Variants in TAFA2 observed in about 807,000 individuals in gnomAD.
TAFA2 encodes the protein TAFA chemokine like family member 2.
A neutral mutation model predicts 18.8 loss-of-function variants in TAFA2; 7 were observed. The observed-to-expected ratio is 0.37, with a 90% CI of 0.21 to 0.70. TAFA2 has a LOEUF of 0.70. Ranked by LOEUF, TAFA2 falls within the 30% of genes least tolerant of loss-of-function variation. The pLI is 0.53. For synonymous variants in TAFA2, 60 were observed against 54.2 expected (o/e 1.11, Z -0.47); for missense variants, 122 against 158.1 (o/e 0.77, Z 1.23).
At chr12:61,927,069 GAAAAAAAAAA>G (rs56908081) in intron 1 of TAFA2, among the ~76,000 whole-genome samples, 2 of 69,926 alleles carry the variant, frequency 2.9e-5, no homozygotes, top group African/African-American at 5.8e-5. Context: ...GTGAGACTCT[GAAAAAAAAAA>G]AAAAAAAAAA....
rs149953863 is a variant in TAFA2 at position 61,923,620 on chromosome 12, A to G, written c.-1-56194T>C. 9.7e-3 allele frequency among the ~76,000 whole-genome samples: 1,473 copies of G among 152,290 alleles called. 38 individuals are homozygous for G. Among genetic ancestry groups the G allele is most frequent in the African/African-American group, 0.033 (1,385 of 41,562 alleles). ...AAAGACCAAAGGTAGATAAATCTAC[A>G]AAGATGAAGAAAAGTCAGCACAAAA... On this transcript the variant is annotated intron_variant, in intron 1 of 4. Coordinates refer to ENST00000416284, the MANE Select transcript of TAFA2 (RefSeq NM_178539.5).
intron 1 of TAFA2, among the ~76,000 whole-genome samples, chr12:61,961,939 G>T (rs1364888996): frequency 6.6e-6 from 1 of 151,890 alleles, no homozygotes; most frequent in Non-Finnish European, 1.5e-5. Context: ...ACTTCATTTT[G>T]ATTTCAGAAC....
chr12:61,978,936 G>A (rs1387815428), intron 1 of TAFA2, among the ~76,000 whole-genome samples: 1 of 151,996 alleles, frequency 6.6e-6, no homozygotes, highest in Non-Finnish European at 1.5e-5. Context: ...TGTCTTTAAT[G>A]AACACTTCTG....
At chr12:62,208,458 T>C (rs945310577) in intron 1 of TAFA2, among the ~76,000 whole-genome samples, 3 of 145,116 alleles carry the variant, frequency 2.1e-5, no homozygotes, top group Admixed American at 7.0e-5. Context: ...AGAAAACTAT[T>C]TACAGACACC....
chr12:61,949,210 G>T (rs970790734), intron 1 of TAFA2, among the ~76,000 whole-genome samples: 2 of 152,186 alleles, frequency 1.3e-5, no homozygotes, highest in African/African-American at 4.8e-5. Flanking sequence ...CCTCCCATGA[G>T]TAAGAGGGAA....
chr12:61,917,419 CT>C (rs975970819), intron 1 of TAFA2, among the ~76,000 whole-genome samples: 9 of 152,212 alleles, frequency 5.9e-5, no homozygotes, highest in Admixed American at 4.6e-4. Flanking sequence ...AACTATGCAT[CT>C]AGGCTCTGCT....
intron 1 of TAFA2, among the ~76,000 whole-genome samples, chr12:61,965,144 A>T (rs1229006091): frequency 6.6e-6 from 1 of 151,878 alleles, no homozygotes; most frequent in Admixed American, 6.6e-5. Context: ...CAAGGTAATG[A>T]TATTAGAAGG....
chr12:61,723,403 G>T (rs950644085), intron 4 of TAFA2, among the ~76,000 whole-genome samples: 11 of 152,046 alleles, frequency 7.2e-5, no homozygotes, highest in Non-Finnish European at 1.6e-4. Context: ...ACACGTGAAT[G>T]AATTAATATA....
In TAFA2 at chr12:62,250,408, C is replaced by A. The variant is rs1359457829; in HGVS notation, c.-130+8355G>T. Reference sequence around the variant, plus strand: ...TATTTTTATGTTCATGAGAATGGGTCAAGGTATTTATAGTTATGCATGTAT... The same window carrying A: ...TATTTTTATGTTCATGAGAATGGGTAAAGGTATTTATAGTTATGCATGTAT... On this transcript the variant is annotated intron_variant, in intron 1 of 5. Transcript: ENST00000551619. Among the ~76,000 whole-genome samples, 5 of 152,078 alleles carry A rather than the reference C, an allele frequency of 3.3e-5. No individual in the cohort carries two copies. The East Asian group carries it at 9.7e-4, about 29-fold the overall frequency.
chr12:62,129,842 G>C (rs867848432), intron 1 of TAFA2, among the ~76,000 whole-genome samples: 1 of 151,834 alleles, frequency 6.6e-6, no homozygotes, highest in Non-Finnish European at 1.5e-5. Flanking sequence ...TCCGCTATAC[G>C]GCAAAATACT....
At chr12:62,054,827 CAG>C (rs1295020648) in intron 1 of TAFA2, among the ~76,000 whole-genome samples, 2 of 152,182 alleles carry the variant, frequency 1.3e-5, no homozygotes, top group African/African-American at 2.4e-5. Flanking sequence ...AATTATAAAA[CAG>C]TGTCACAATT....
At chr12:62,153,257 T>C (rs940244441) in intron 1 of TAFA2, among the ~76,000 whole-genome samples, 3 of 152,196 alleles carry the variant, frequency 2.0e-5, no homozygotes, top group African/African-American at 2.4e-5. Context: ...TATTATATTA[T>C]GTGATATAAG....
Position 61,820,501 on chromosome 12 carries a change from C to T in TAFA2, c.106+46819G>A, listed in dbSNP as rs529693661. ...TCCCAATATTCAGAATAATATCTCT[C>T]AGAGTAAGGAATATAAAAAGAAGAG... On this transcript the variant is annotated intron_variant, in intron 2 of 4. Transcript: ENST00000416284. Among the ~76,000 whole-genome samples, 239 of 148,690 alleles carry T rather than the reference C, an allele frequency of 1.6e-3. 3 individuals carry two copies. The highest frequency in any genetic ancestry group is 0.013 in the Admixed American group (195 of 14,842).
intron 2 of TAFA2, among the ~76,000 whole-genome samples, chr12:61,851,547 C>T (rs1393392781): frequency 1.3e-5 from 2 of 148,878 alleles, no homozygotes; most frequent in African/African-American, 2.5e-5. Flanking sequence ...GAGGCCGAGG[C>T]GGGTGGATCA....
At chr12:61,914,884 C>T (rs112769843) in intron 1 of TAFA2, among the ~76,000 whole-genome samples, 10,866 of 152,066 alleles carry the variant, frequency 0.071, 531 homozygotes, top group Non-Finnish European at 0.11. Context: ...ATGTGTTGGC[C>T]GGGCACAGTG....
At chr12:62,171,881 T>C (rs1016489579) in intron 1 of TAFA2, among the ~76,000 whole-genome samples, 25 of 152,216 alleles carry the variant, frequency 1.6e-4, no homozygotes, top group African/African-American at 5.8e-4. Flanking sequence ...TTGTGATGCA[T>C]TGCATGCTGA....
rs182664901 is a variant in TAFA2, at chr12:62,010,669, G to A, written c.-1-143243C>T. Among the ~76,000 whole-genome samples, 1,135 of 150,696 alleles carry A rather than the reference G, an allele frequency of 7.5e-3. 10 individuals are homozygous for A. The highest frequency in any genetic ancestry group is 0.026 in the African/African-American group (1,084 of 41,026). On this transcript the variant is annotated intron_variant, in intron 1 of 4. Transcript: ENST00000416284. ...CCGGCCGCCCTTACTCTGGGAGGTG[G>A]GGAGCGCCTCTGCCCAGCTGCCCCG...
intron 1 of TAFA2, among the ~76,000 whole-genome samples, chr12:62,161,882 T>A (rs1044130036): frequency 5.9e-5 from 9 of 152,202 alleles, no homozygotes; most frequent in African/African-American, 2.2e-4. Context: ...AATTTGATGA[T>A]GTTTTTATGA....
chr12:62,249,907 C>T (rs994507467), intron 1 of TAFA2, among the ~76,000 whole-genome samples: 14 of 152,198 alleles, frequency 9.2e-5, no homozygotes, highest in African/African-American at 3.4e-4. Context: ...ACAGTATTGG[C>T]AGTCTAGCAA....
Sources: allele counts gnomAD v4.1 joint callset (sites outside exome capture counted in the v4.1 genomes callset), GRCh38; gene constraint gnomAD v4.1.1; transcripts MANE v1.5; gene names NCBI Gene and HGNC (gene_info 2026-07-23, HGNC 2026-07-21).